The following HECW1 variants were observed in gnomAD, a reference collection of about 807,000 sequenced individuals.
The protein encoded by HECW1 is HECT, C2 and WW domain containing E3 ubiquitin protein ligase 1.
Under a neutral mutation model 182.3 loss-of-function variants are expected in HECW1, and 61 were observed. That is an observed-to-expected ratio of 0.33 (90% CI 0.27 to 0.41). The LOEUF is 0.41. HECW1 is among the 10% of genes least tolerant of loss of function. The pLI is 1.00. For synonymous variants in HECW1, 859 were observed against 832.6 expected (o/e 1.03, Z -0.55); for missense variants, 1,739 against 2,108.9 (o/e 0.82, Z 3.44).
intron 1 of HECW1, chr7:43,113,940 A>G: frequency 3.8e-6 from 1 of 266,072 alleles, no homozygotes; most frequent in Non-Finnish European, 7.2e-6. Flanking sequence ...GCGTAGGGGG[A>G]GCTGGCAGGG....
In HECW1 at chr7:43,420,897, T is replaced by G. The variant is rs977762820; in HGVS notation, c.801+13166T>G. Among the ~76,000 whole-genome samples, 7 of 152,306 alleles carry G rather than the reference T, an allele frequency of 4.6e-5. No individual in the cohort carries two copies. The East Asian group carries it at 1.3e-3, about 29-fold the overall frequency. ...TTGATCTGTGGTTTCAGCGATATCC[T>G]AATCAAAATCCTGGGAGATATGTTA... On this transcript the variant is annotated intron_variant, in intron 8 of 29. Transcript: ENST00000395891.
chr7:43,535,912 G>A (rs953675496), intron 24 of HECW1, among the ~76,000 whole-genome samples: 30 of 152,174 alleles, frequency 2.0e-4, no homozygotes, highest in African/African-American at 7.2e-4. Context: ...TTTGGCAGGA[G>A]GGAAGGGGTT....
intron 8 of HECW1, among the ~76,000 whole-genome samples, chr7:43,431,310 C>A (rs2076541733): frequency 6.6e-6 from 1 of 152,152 alleles, no homozygotes. Flanking sequence ...TCATTCTGTT[C>A]CTTCATTGCT....
In HECW1 at chr7:43,139,184, G is replaced by C. The variant is rs568469846; in HGVS notation, c.-32+24793G>C. On this transcript the variant is annotated intron_variant, in intron 2 of 29. Transcript: ENST00000395891. Reference sequence around the variant, plus strand: ...GAGGGAAATACTGACCTGACCCTAGGGGGGCTGCCACAGCATCCCCAGAAG... The same window carrying C: ...GAGGGAAATACTGACCTGACCCTAGCGGGGCTGCCACAGCATCCCCAGAAG... Among the ~76,000 whole-genome samples the C allele has an allele frequency of 1.1e-4, 16 of 152,288 alleles. No homozygotes were observed. In the South Asian group the frequency reaches 2.1e-3, roughly 20 times the overall value.
intron 7 of HECW1, 24 bp from the exon 8 acceptor site, chr7:43,407,538 A>G: frequency 6.3e-7 from 1 of 1,579,284 alleles, no homozygotes; most frequent in East Asian, 2.3e-5. Context: ...ACATATTTAA[A>G]TTAAAGTATC....
At chr7:43,319,601 C>CTTTTCTTTTTT (rs1809817835) in intron 4 of HECW1, among the ~76,000 whole-genome samples, 7 of 47,436 alleles carry the variant, frequency 1.5e-4, no homozygotes, top group Admixed American at 7.0e-4. Context: ...CTTTTCTTTT[C>CTTTTCTTTTTT]TTTTTTTTTT....
At chr7:43,290,668 C>T (rs1441686026) in intron 3 of HECW1, among the ~76,000 whole-genome samples, 1 of 152,200 alleles carries the variant, frequency 6.6e-6, no homozygotes, top group Non-Finnish European at 1.5e-5. Context: ...GGTTTACAGT[C>T]CCTAGGAGCT....
Position 43,463,881 on chromosome 7 carries a change from C to T in HECW1, c.2791+82C>T, listed in dbSNP as rs191367658. On this transcript the variant is annotated intron_variant, in intron 14 of 29. Coordinates refer to ENST00000395891, the MANE Select transcript of HECW1 (RefSeq NM_015052.5). ...GGGCTACAAGCCTCCCACCCTGCCT[C>T]ATGGGGAGCAATGTGCCCCAGGGTG... 1.7e-5 allele frequency: 25 copies of T among 1,486,536 alleles called. No individual in the cohort carries two copies. In the Admixed American group the frequency reaches 3.8e-4, roughly 22 times the overall value. The allele number at this position is 1,486,536 out of a possible 1,614,324, so 92.1% of individuals were successfully genotyped here.
chr7:43,217,741 C>T (rs978890934), intron 2 of HECW1, among the ~76,000 whole-genome samples: 7 of 152,342 alleles, frequency 4.6e-5, no homozygotes, highest in African/African-American at 1.7e-4. Context: ...CATGTCCTTA[C>T]ACAGCTCTTG....
intron 8 of HECW1, 108 bp downstream of exon 8, chr7:43,407,839 A>C: frequency 1.0e-6 from 1 of 971,458 alleles, no homozygotes; most frequent in Non-Finnish European, 1.5e-6. Context: ...TCTGCTGCTC[A>C]ATCTATGGCT....
At chr7:43,443,647 T>C (rs1363114124) in intron 10 of HECW1, among the ~76,000 whole-genome samples, 1 of 152,218 alleles carries the variant, frequency 6.6e-6, no homozygotes. Flanking sequence ...AGACCTTGTT[T>C]TTTTTAAATT....
chr7:43,125,757 T>TAAAAAA (rs57874835), intron 2 of HECW1, among the ~76,000 whole-genome samples: 935 of 86,470 alleles, frequency 0.011, 40 homozygotes, highest in African/African-American at 0.039. Context: ...GATTCTGTCT[T>TAAAAAA]AAAAAAAAAA....
chr7:43,202,674 A>G lies in HECW1; in HGVS notation c.-31-41201A>G, dbSNP rs575639378. 4.6e-5 allele frequency among the ~76,000 whole-genome samples: 7 copies of G among 152,178 alleles called. No homozygotes were observed. In the East Asian group the frequency reaches 1.2e-3, roughly 25 times the overall value. ...TTTTTAGTAGAGATGGGGTTTCACC[A>G]TGTTGGCCAGGCTGGTCTGAACTCC... On this transcript the variant is annotated intron_variant, in intron 2 of 29. Transcript: ENST00000395891.
intron 16 of HECW1, among the ~76,000 whole-genome samples, chr7:43,475,638 C>G (rs762204405): frequency 2.2e-4 from 34 of 152,200 alleles, no homozygotes; most frequent in Non-Finnish European, 4.4e-4. Context: ...GCAGCCTCGA[C>G]TTCCTGTGCT....
rs142765904 is a variant in HECW1 at position 43,351,284 on chromosome 7, G to A, written c.461-9602G>A. Among the ~76,000 whole-genome samples, 299 of 152,240 alleles carry A rather than the reference G, an allele frequency of 2.0e-3. 1 individual carries two copies. The highest frequency in any genetic ancestry group is 6.9e-3 in the African/African-American group (287 of 41,522). On this transcript the variant is annotated intron_variant, in intron 5 of 29. Coordinates refer to ENST00000395891, the MANE Select transcript of HECW1 (RefSeq NM_015052.5). ...GGTGGAGGTGGCAGAGGGTGCAATG[G>A]ACTCCATAGGGGTCCTTGGCTTTGG...
At chr7:43,260,185 TGGA>T (rs1317108613) in intron 3 of HECW1, among the ~76,000 whole-genome samples, 1 of 152,170 alleles carries the variant, frequency 6.6e-6, no homozygotes, top group African/African-American at 2.4e-5. Flanking sequence ...AAAGAATTTG[TGGA>T]GGATGTATAC....
At chr7:43,260,640 A>T (rs541479688) in intron 3 of HECW1, among the ~76,000 whole-genome samples, 2 of 152,312 alleles carry the variant, frequency 1.3e-5, no homozygotes, top group East Asian at 3.9e-4. Context: ...GTGAGAAATG[A>T]TGGTGGCTTG....
intron 2 of HECW1, among the ~76,000 whole-genome samples, chr7:43,197,447 G>T (rs145071489): frequency 2.8e-4 from 42 of 152,298 alleles, no homozygotes; most frequent in African/African-American, 9.9e-4. Flanking sequence ...CCTGCAAAGC[G>T]ATGCGTCCTG....
chr7:43,119,059 A>C (rs1785327688), intron 2 of HECW1: 1 of 152,276 alleles, frequency 6.6e-6, no homozygotes, highest in Admixed American at 6.5e-5. Context: ...CATTGAACAT[A>C]TATGAAATAT....
Sources: allele counts gnomAD v4.1 joint callset (sites outside exome capture counted in the v4.1 genomes callset), GRCh38; gene constraint gnomAD v4.1.1; transcripts MANE v1.5; gene names NCBI Gene and HGNC (gene_info 2026-07-23, HGNC 2026-07-21).